Variants in NPEPPS observed in about 807,000 individuals in gnomAD.
NPEPPS encodes puromycin-sensitive aminopeptidase.
NPEPPS carries 14 observed loss-of-function variants against 115.5 expected under a neutral mutation model. That is an observed-to-expected ratio of 0.12 (90% CI 0.08 to 0.19). The LOEUF is 0.19. NPEPPS is among the 10% of genes least tolerant of loss of function. The pLI is 1.00. For synonymous variants in NPEPPS, 285 were observed against 390.6 expected, an observed-to-expected ratio of 0.73 and a Z score of 3.19; for missense variants, 523 against 1,110.8, an observed-to-expected ratio of 0.47 and a Z score of 7.52.
rs1292441412 is a variant in NPEPPS at position 47,549,513 on chromosome 17, C to CTCACA, written c.340+3521_340+3525dup. Among the ~76,000 whole-genome samples the CTCACA allele has an allele frequency of 2.0e-5, 3 of 152,034 alleles. No homozygotes were observed. In the East Asian group the frequency reaches 5.8e-4, roughly 29 times the overall value. ...AACTGGGGGCAGCCAGGTGTGGTGG[C>CTCACA]TCACACCTGTAATCCCAGCATTTTG... On this transcript the variant is annotated intron_variant, in intron 2 of 22. Transcript: ENST00000322157.
chr17:47,561,011 GA>G (rs1910388881), intron 2 of NPEPPS, among the ~76,000 whole-genome samples: 1 of 152,170 alleles, frequency 6.6e-6, no homozygotes, highest in Non-Finnish European at 1.5e-5. Flanking sequence ...TGGCACTTCT[GA>G]TATTGAAATT....
At chr17:47,541,315 G>A (rs1411883629) in intron 1 of NPEPPS, among the ~76,000 whole-genome samples, 1 of 151,482 alleles carries the variant, frequency 6.6e-6, no homozygotes, top group African/African-American at 2.4e-5. Flanking sequence ...ACTCAGAAAG[G>A]TTTTTATTCA....
chr17:47,528,132 T>C (rs1028090505), upstream of NPEPPS, among the ~76,000 whole-genome samples: 28 of 146,890 alleles, frequency 1.9e-4, no homozygotes, highest in Non-Finnish European at 2.8e-4. Flanking sequence ...TGAAACTCCA[T>C]CTGTACTAAA....
chr17:47,608,871 T>C (rs1913676169), intron 17 of NPEPPS, among the ~76,000 whole-genome samples: 1 of 152,164 alleles, frequency 6.6e-6, no homozygotes, highest in African/African-American at 2.4e-5. Context: ...TCAAACAGAA[T>C]GATGAAGGCT....
chr17:47,607,248 TAG>T (rs1325268805), intron 17 of NPEPPS, among the ~76,000 whole-genome samples: 1 of 152,164 alleles, frequency 6.6e-6, no homozygotes, highest in African/African-American at 2.4e-5. Context: ...CACTATTTTA[TAG>T]AGAGTGTTTG....
intron 3 of NPEPPS, among the ~76,000 whole-genome samples, chr17:47,571,731 A>C (rs932192798): frequency 9.2e-5 from 14 of 152,160 alleles, no homozygotes; most frequent in African/African-American, 3.1e-4. Flanking sequence ...AAACAAAACA[A>C]AACAAAACAA....
chr17:47,523,531 C>T (rs1430524082), intron 1 of NPEPPS, among the ~76,000 whole-genome samples: 1 of 151,898 alleles, frequency 6.6e-6, no homozygotes, highest in Non-Finnish European at 1.5e-5. Flanking sequence ...AGCAATTATC[C>T]TGCCTCAGCC....
chr17:47,610,790 C>T (rs1207452320), intron 17 of NPEPPS, among the ~76,000 whole-genome samples: 2 of 146,222 alleles, frequency 1.4e-5, no homozygotes, highest in Non-Finnish European at 3.0e-5. Flanking sequence ...TGTAGACATG[C>T]TTTCATTTAT....
intron 9 of NPEPPS, among the ~76,000 whole-genome samples, chr17:47,588,593 G>A (rs893976725): frequency 2.6e-5 from 4 of 152,062 alleles, no homozygotes; most frequent in African/African-American, 9.6e-5. Flanking sequence ...ATAATTTCAT[G>A]TGGAATTATG....
chr17:47,532,233 C>T (rs1358604624), intron 1 of NPEPPS, among the ~76,000 whole-genome samples: 1 of 151,888 alleles, frequency 6.6e-6, no homozygotes, highest in Non-Finnish European at 1.5e-5. Context: ...TGACTTTGTT[C>T]TCTCTTAACC....
At chr17:47,535,135 C>T (rs1273082643) in intron 1 of NPEPPS, among the ~76,000 whole-genome samples, 1 of 144,714 alleles carries the variant, frequency 6.9e-6, no homozygotes, top group Non-Finnish European at 1.5e-5. Flanking sequence ...CCCAGCTGCT[C>T]AGGAGCCTGA....
intron 1 of NPEPPS, among the ~76,000 whole-genome samples, chr17:47,543,751 T>A (rs1908962375): frequency 6.6e-6 from 1 of 152,148 alleles, no homozygotes; most frequent in African/African-American, 2.4e-5. Flanking sequence ...AGAGGATAAT[T>A]TGGCAGTTCT....
chr17:47,587,692 CT>C (rs1442602494), intron 9 of NPEPPS, among the ~76,000 whole-genome samples: 2 of 152,168 alleles, frequency 1.3e-5, no homozygotes, highest in Non-Finnish European at 2.9e-5. Flanking sequence ...TTTCTTGAAT[CT>C]TATTTGTTAA....
intron 12 of NPEPPS, among the ~76,000 whole-genome samples, chr17:47,595,660 T>C (rs1458315876): frequency 6.6e-6 from 1 of 150,524 alleles, no homozygotes; most frequent in East Asian, 2.0e-4. Flanking sequence ...CTGGGCAACA[T>C]GGTGAAATCC....
chr17:47,622,889 C>T lies in NPEPPS; in HGVS notation c.*969C>T, dbSNP rs2144007860. ...TTCACAACAGTATCAACACTGGCTTCTCCCGGTTCATTTTATGCGTGCGAG... is the reference window on the plus strand; with the variant it reads ...TTCACAACAGTATCAACACTGGCTTTTCCCGGTTCATTTTATGCGTGCGAG... On this transcript the variant is annotated 3_prime_UTR_variant, in exon 23 of 23. Coordinates refer to ENST00000322157, the MANE Select transcript of NPEPPS (RefSeq NM_006310.4). 1 of 456,036 alleles carries T rather than the reference C, an allele frequency of 2.2e-6. No individual in the cohort carries two copies. Among genetic ancestry groups the T allele is most frequent in the South Asian group, 1.5e-5 (1 of 64,560 alleles). The allele number at this position is 456,036 out of a possible 1,614,324, so 28.2% of individuals were successfully genotyped here.
intron 2 of NPEPPS, among the ~76,000 whole-genome samples, chr17:47,555,347 CTTTT>C (rs11301327): frequency 2.5e-5 from 3 of 118,114 alleles, no homozygotes; most frequent in Non-Finnish European, 3.6e-5. Flanking sequence ...GTATGCTGTT[CTTTT>C]TTTTTTTTTT....
intron 2 of NPEPPS, among the ~76,000 whole-genome samples, chr17:47,558,918 C>G (rs1050406527): frequency 1.6e-4 from 24 of 152,214 alleles, no homozygotes; most frequent in Middle Eastern, 3.4e-3. Context: ...CCTGTAGTCC[C>G]CCCTACCTGA....
upstream of NPEPPS, among the ~76,000 whole-genome samples, chr17:47,529,443 C>T (rs79481429): frequency 6.9e-5 from 10 of 144,086 alleles, no homozygotes; most frequent in Non-Finnish European, 1.1e-4. Context: ...GTCTCGTTGT[C>T]GCCCAGGCTG....
intron 1 of NPEPPS, among the ~76,000 whole-genome samples, chr17:47,544,696 G>A (rs569343795): frequency 6.7e-6 from 1 of 148,726 alleles, no homozygotes; most frequent in African/African-American, 2.5e-5. Flanking sequence ...ACCTTGCCTG[G>A]CTGATTTTTG....
Sources: gnomAD v4.1 joint callset for allele counts (sites outside exome capture counted in the v4.1 genomes callset) on GRCh38, gnomAD v4.1.1 for gene constraint, MANE v1.5 for transcripts, NCBI Gene and HGNC (gene_info 2026-07-23, HGNC 2026-07-21) for gene names.